KIF20B: variants seen among roughly 807,000 people sequenced by gnomAD.
KIF20B encodes kinesin family member 20B, also known as kinesin-like protein KIF20B.
KIF20B carries 188 observed loss-of-function variants against 232.5 expected under a neutral mutation model. The observed-to-expected ratio is 0.81, with a 90% CI of 0.72 to 0.91. The LOEUF (loss-of-function observed/expected upper bound fraction) is 0.91, where lower values mean the gene tolerates loss of function less well. Among genes scored for constraint, KIF20B ranks in the 40% least tolerant of loss-of-function variants. The pLI is 0.00. For missense variants in KIF20B, 2,154 were observed against 2,055.9 expected, an observed-to-expected ratio of 1.05 and a Z score of -0.92; for synonymous variants, 712 against 683.0, an observed-to-expected ratio of 1.04 and a Z score of -0.66.
At position 89,752,548 on chromosome 10, in the gene KIF20B, T is replaced by G. The variant is rs531331778; in HGVS notation, c.4223-19T>G. On this transcript the variant is annotated intron_variant, in intron 24 of 32. Transcript: ENST00000371728. ...CTTTTGCATATGCTTTAAAACATAA[T>G]TTTATGTCTTCAAATCAGAATTGGA... 3.2e-5 allele frequency: 51 copies of G among 1,571,698 alleles called. No individual in the cohort carries two copies. In the South Asian group the frequency reaches 5.6e-4, roughly 17 times the overall value.
rs754086550 is a variant in KIF20B, at chr10:89,774,740, A to G, written c.*692A>G. The G allele has an allele frequency of 2.0e-5, 3 of 151,994 alleles. No individual in the cohort carries two copies. The highest frequency in any genetic ancestry group is 3.8e-4 in the East Asian group (2 of 5,196). 9.4% of individuals were successfully genotyped at this position (151,994 alleles called of 1,614,324 possible). On this transcript the variant is annotated 3_prime_UTR_variant, in exon 33 of 33. Coordinates refer to ENST00000371728, the MANE Select transcript of KIF20B (RefSeq NM_001284259.2). ...ATATACAAGTAAGTTATTATTGATT[A>G]TAGTCACTCTATTGTGCTATCAGAT...
chr10:89,732,867 C>T (rs1219893911), intron 18 of KIF20B, 36 bp from the exon 19 acceptor site: 2 of 1,469,126 alleles, frequency 1.4e-6, no homozygotes, highest in Middle Eastern at 2.3e-4. Context: ...TTGTAGCTTT[C>T]TATATGTGAA....
intron 31 of KIF20B, among the ~76,000 whole-genome samples, chr10:89,769,320 G>T (rs1466589600): frequency 2.0e-5 from 3 of 151,774 alleles, no homozygotes; most frequent in African/African-American, 7.3e-5. Context: ...TTTTGGTTGG[G>T]GCAGGAAATC....
At chr10:89,711,225 G>T in intron 6 of KIF20B, 80 bp downstream of exon 6, 3 of 879,524 alleles carry the variant, frequency 3.4e-6, no homozygotes, top group South Asian at 3.2e-5. Context: ...ACCATATATT[G>T]GAATCTGGTT....
At chr10:89,713,444 A>T (rs1226491968) in intron 6 of KIF20B, among the ~76,000 whole-genome samples, 1 of 152,200 alleles carries the variant, frequency 6.6e-6, no homozygotes, top group African/African-American at 2.4e-5. Context: ...ATGTTAAAAA[A>T]AAATGAGATA....
intron 6 of KIF20B, among the ~76,000 whole-genome samples, chr10:89,713,420 A>G (rs1188539099): frequency 7.0e-6 from 1 of 142,226 alleles, no homozygotes; most frequent in Non-Finnish European, 1.5e-5. Flanking sequence ...TGTTTTGCCT[A>G]TGAAATGATT....
chr10:89,768,266 G>A lies in KIF20B; in HGVS notation c.4990-24G>A, dbSNP rs765458273. ...ATAAAATATTGTCAAGAAATTAACT[G>A]GTGCTAAAATTCATTATTTTTAGGA... On this transcript the variant is annotated intron_variant, in intron 29 of 32. Coordinates refer to ENST00000371728, the MANE Select transcript of KIF20B (RefSeq NM_001284259.2). 6.8e-6 allele frequency: 9 copies of A among 1,314,402 alleles called. No individual in the cohort carries two copies. In the East Asian group the frequency reaches 2.2e-4, roughly 32 times the overall value. 81.4% of individuals were successfully genotyped at this position (1,314,402 alleles called of 1,614,324 possible).
intron 27 of KIF20B, among the ~76,000 whole-genome samples, chr10:89,759,970 A>G (rs1842203802): frequency 6.6e-6 from 1 of 152,276 alleles, no homozygotes; most frequent in Non-Finnish European, 1.5e-5. Flanking sequence ...TTAGAAATAG[A>G]ACTTTATGAC....
chr10:89,725,207 G>C, intron 15 of KIF20B, 49 bp downstream of exon 15: 1 of 1,533,400 alleles, frequency 6.5e-7, no homozygotes. Context: ...TTTGGTACCA[G>C]GGTTTAGTGT....
intron 26 of KIF20B, among the ~76,000 whole-genome samples, chr10:89,757,038 G>GTATATATATATATATATA (rs1286710895): frequency 2.8e-4 from 22 of 79,066 alleles, no homozygotes; most frequent in African/African-American, 8.2e-4. Flanking sequence ...GTGTGTGTGT[G>GTATATATATATATATATA]TGTATATATA....
At chr10:89,745,043 G>A (rs1230223666) in intron 22 of KIF20B, among the ~76,000 whole-genome samples, 1 of 152,142 alleles carries the variant, frequency 6.6e-6, no homozygotes, top group Non-Finnish European at 1.5e-5. Flanking sequence ...TAAAAGGGGT[G>A]GAGAGCTCTT....
rs1842534857 is a variant in KIF20B at position 89,774,758 on chromosome 10, T to C, written c.*710T>C. 6.6e-6 allele frequency: 1 copy of C among 152,024 alleles called. No homozygotes were observed. Among genetic ancestry groups the C allele is most frequent in the Non-Finnish European group, 1.5e-5 (1 of 67,924 alleles). 9.4% of individuals were successfully genotyped at this position (152,024 alleles called of 1,614,324 possible). A position where few individuals can be genotyped will look rare whatever the true frequency, so the allele number is the denominator to read the frequency against. On this transcript the variant is annotated 3_prime_UTR_variant, in exon 33 of 33. Transcript: ENST00000371728. ...ATTGATTATAGTCACTCTATTGTGC[T>C]ATCAGATAGTAGATCATTCTTTTTA...
chr10:89,774,235 A>G lies in KIF20B; in HGVS notation c.*187A>G, dbSNP rs561291411. 7.6e-5 allele frequency: 28 copies of G among 368,392 alleles called. No homozygotes were observed. The highest frequency in any genetic ancestry group is 2.3e-4 in the Admixed American group (5 of 21,526). 22.8% of individuals were successfully genotyped at this position (368,392 alleles called of 1,614,324 possible). On this transcript the variant is annotated 3_prime_UTR_variant, in exon 33 of 33. Transcript: ENST00000371728. ...TTGTATATTTTTATAAGGCTTTTTT[A>G]TAATAGCTTCTTTCAAACTGTATTT... is the stretch of plus-strand genomic sequence containing the variant.
At chr10:89,709,145 T>C in intron 2 of KIF20B, 22 bp from the exon 3 acceptor site, 1 of 1,542,192 alleles carries the variant, frequency 6.5e-7, no homozygotes, top group Non-Finnish European at 8.9e-7. Context: ...AAACACAATG[T>C]TTTTCTCCTT....
chr10:89,746,023 G>A (rs377006944), intron 23 of KIF20B, 64 bp downstream of exon 23: 15 of 1,163,094 alleles, frequency 1.3e-5, no homozygotes, highest in African/African-American at 1.1e-4. Flanking sequence ...CAGGGCATGC[G>A]ATGGGGGTAT....
chr10:89,745,971 G>C lies in KIF20B; in HGVS notation c.4096+12G>C. 6.2e-7 allele frequency: 1 copy of C among 1,603,318 alleles called. No homozygotes were observed. Among genetic ancestry groups the C allele is most frequent in the Non-Finnish European group, 8.5e-7 (1 of 1,170,280 alleles). ...GAGAGCATGCAAAGGTCAGGAACAA[G>C]TTTGTACTTCTGGAACCAGAAAAGT... is the stretch of plus-strand genomic sequence containing the variant. On this transcript the variant is annotated intron_variant, in intron 23 of 32. Transcript: ENST00000371728.
chr10:89,702,035 TAA>T (rs1842622263), intron 1 of KIF20B, among the ~76,000 whole-genome samples: 1 of 152,236 alleles, frequency 6.6e-6, no homozygotes. Context: ...TGGTAATGTG[TAA>T]AGTTATTAGT....
chr10:89,748,331 A>G (rs10881656), intron 23 of KIF20B, among the ~76,000 whole-genome samples: 47,437 of 151,990 alleles, frequency 0.31, 8,372 homozygotes, highest in African/African-American at 0.47. Context: ...TTTATAGATG[A>G]TACATATTTC....
At position 89,737,371 on chromosome 10, in the gene KIF20B, T is replaced by A. The variant is rs772667555; in HGVS notation, c.2546-16T>A. The A allele has an allele frequency of 2.1e-6, 3 of 1,458,540 alleles. No homozygotes were observed. The South Asian group carries it at 5.0e-5, about 24-fold the overall frequency. 90.3% of individuals were successfully genotyped at this position (1,458,540 alleles called of 1,614,324 possible). A position where few individuals can be genotyped will look rare whatever the true frequency, so the allele number is the denominator to read the frequency against. On this transcript the variant is annotated splice_polypyrimidine_tract_variant and intron_variant, in intron 19 of 32. Transcript: ENST00000371728. ...TAAGGTTTGCCAGATTAATAACAAT[T>A]TTCTTATTTTTAAAGGGTCTATCCA...
Sources: allele counts gnomAD v4.1 joint callset (sites outside exome capture counted in the v4.1 genomes callset), GRCh38; gene constraint gnomAD v4.1.1; transcripts MANE v1.5; gene names NCBI Gene and HGNC (gene_info 2026-07-23, HGNC 2026-07-21).